The following GALNT17 variants were observed in gnomAD, a reference collection of about 807,000 sequenced individuals.
GALNT17 encodes the protein polypeptide N-acetylgalactosaminyltransferase 17.
GALNT17 carries 29 observed loss-of-function variants against 63.7 expected under a neutral mutation model. That is an observed-to-expected ratio of 0.46 (90% CI 0.34 to 0.62). GALNT17 has a LOEUF of 0.62. GALNT17 is among the 20% of genes least tolerant of loss of function. GALNT17 has a pLI of 0.01. For missense variants in GALNT17, 603 were observed against 799.6 expected (o/e 0.75, Z 2.97); for synonymous variants, 305 against 318.3 (o/e 0.96, Z 0.45).
intron 5 of GALNT17, among the ~76,000 whole-genome samples, chr7:71,450,918 T>C (rs1462672751): frequency 9.5e-6 from 1 of 105,746 alleles, no homozygotes; most frequent in Non-Finnish European, 1.8e-5. Context: ...ATGGCGTTTT[T>C]CTTTTTTTTA....
rs181583460 is a variant in GALNT17 at position 71,357,296 on chromosome 7, C to T, written c.422+21563C>T. 1.3e-4 allele frequency among the ~76,000 whole-genome samples: 20 copies of T among 152,244 alleles called. No homozygotes were observed. The East Asian group carries it at 3.9e-3, about 29-fold the overall frequency. ...CCACCTCCTGCCAGATCAGCGGCAG[C>T]ATTAGATTCTCATAGGAGCGCGAAC... is the stretch of plus-strand genomic sequence containing the variant. On this transcript the variant is annotated intron_variant, in intron 2 of 10. Coordinates refer to ENST00000333538, the MANE Select transcript of GALNT17 (RefSeq NM_022479.3).
At chr7:71,652,737 GA>G (rs1790771243) in intron 6 of GALNT17, among the ~76,000 whole-genome samples, 2 of 152,146 alleles carry the variant, frequency 1.3e-5, no homozygotes, top group Admixed American at 6.5e-5. Context: ...CTTCCTAAGT[GA>G]ATTCCTTTTG....
chr7:71,493,335 C>CAA (rs1448067990), intron 5 of GALNT17, among the ~76,000 whole-genome samples: 1 of 152,216 alleles, frequency 6.6e-6, no homozygotes, highest in African/African-American at 2.4e-5. Context: ...ATTGAAGAAT[C>CAA]ACGCTCCCTG....
chr7:71,492,235 C>T (rs112358312), intron 5 of GALNT17, among the ~76,000 whole-genome samples: 7,187 of 152,176 alleles, frequency 0.047, 588 homozygotes, highest in African/African-American at 0.17. Context: ...GCCGAGATCA[C>T]GCCACTGCCC....
chr7:71,298,287 T>C (rs1032095098), intron 1 of GALNT17, among the ~76,000 whole-genome samples: 10 of 152,226 alleles, frequency 6.6e-5, no homozygotes, highest in Non-Finnish European at 1.5e-5. Flanking sequence ...CCCAAAGTGC[T>C]GGGATTACAG....
At chr7:71,694,567 C>A (rs916598263) in intron 9 of GALNT17, among the ~76,000 whole-genome samples, 1 of 151,924 alleles carries the variant, frequency 6.6e-6, no homozygotes, top group African/African-American at 2.4e-5. Flanking sequence ...AGTTAATGTT[C>A]GTATTTTTAG....
chr7:71,429,647 A>G (rs1169628793), intron 5 of GALNT17, among the ~76,000 whole-genome samples: 1 of 152,186 alleles, frequency 6.6e-6, no homozygotes, highest in Non-Finnish European at 1.5e-5. Context: ...GGCTCAAGCG[A>G]TACTCCTGCC....
chr7:71,360,186 A>C (rs1792370959), intron 2 of GALNT17, among the ~76,000 whole-genome samples: 1 of 152,236 alleles, frequency 6.6e-6, no homozygotes, highest in Admixed American at 6.5e-5. Context: ...ATCCCACAGT[A>C]CTGAAGTAAA....
intron 1 of GALNT17, among the ~76,000 whole-genome samples, chr7:71,334,860 A>G (rs145255285): frequency 2.7e-3 from 405 of 152,326 alleles, no homozygotes; most frequent in Non-Finnish European, 4.5e-3. Flanking sequence ...ACTCAAGATA[A>G]AAATCAATCT....
At chr7:71,538,928 A>G (rs1230426265) in intron 5 of GALNT17, among the ~76,000 whole-genome samples, 1 of 151,522 alleles carries the variant, frequency 6.6e-6, no homozygotes, top group Non-Finnish European at 1.5e-5. Context: ...CAGGATACTC[A>G]ATGTTTTTGG....
intron 1 of GALNT17, among the ~76,000 whole-genome samples, chr7:71,290,651 C>T (rs1790962913): frequency 1.3e-5 from 2 of 152,142 alleles, no homozygotes; most frequent in South Asian, 4.1e-4. Flanking sequence ...TTGACAATTT[C>T]GACAAAAGCA....
At chr7:71,592,455 A>G (rs1390829199) in intron 6 of GALNT17, among the ~76,000 whole-genome samples, 1 of 151,590 alleles carries the variant, frequency 6.6e-6, no homozygotes, top group Non-Finnish European at 1.5e-5. Flanking sequence ...AGATCGTGCC[A>G]CTGCACTCCG....
intron 1 of GALNT17, among the ~76,000 whole-genome samples, chr7:71,291,202 A>G (rs1328140277): frequency 1.3e-5 from 2 of 152,214 alleles, no homozygotes; most frequent in Non-Finnish European, 2.9e-5. Flanking sequence ...CTTTTACGAA[A>G]TAGCAGAGTC....
Position 71,441,855 on chromosome 7 carries a change from G to A in GALNT17, c.962+20750G>A, listed in dbSNP as rs191547957. ...GCATAGTATTCCATGGTGTGTATGTGCCACATTTTCTTTATCCAGTTTATC... is the reference window on the plus strand; with the variant it reads ...GCATAGTATTCCATGGTGTGTATGTACCACATTTTCTTTATCCAGTTTATC... On this transcript the variant is annotated intron_variant, in intron 5 of 10. Transcript: ENST00000333538. Among the ~76,000 whole-genome samples the A allele has an allele frequency of 1.1e-3, 170 of 152,264 alleles. 1 individual carries two copies. The highest frequency in any genetic ancestry group is 3.9e-3 in the African/African-American group (164 of 41,572).
At chr7:71,352,735 G>A (rs1792212228) in intron 2 of GALNT17, among the ~76,000 whole-genome samples, 2 of 152,140 alleles carry the variant, frequency 1.3e-5, no homozygotes, top group African/African-American at 4.8e-5. Context: ...AGTGAGTGCT[G>A]TGCCACTCCA....
At chr7:71,670,805 T>A (rs2117056330) in intron 8 of GALNT17, among the ~76,000 whole-genome samples, 1 of 152,102 alleles carries the variant, frequency 6.6e-6, no homozygotes, top group South Asian at 2.1e-4. Context: ...AGCGTGTAAG[T>A]CACAAAGCCA....
intron 6 of GALNT17, among the ~76,000 whole-genome samples, chr7:71,647,698 A>G (rs1379722863): frequency 6.6e-6 from 1 of 152,214 alleles, no homozygotes; most frequent in Non-Finnish European, 1.5e-5. Flanking sequence ...ACACATCCCC[A>G]TGGACCTCTG....
chr7:71,446,004 G>C (rs1787154926), intron 5 of GALNT17, among the ~76,000 whole-genome samples: 1 of 152,190 alleles, frequency 6.6e-6, no homozygotes, highest in Non-Finnish European at 1.5e-5. Flanking sequence ...TGAGAAACGG[G>C]AATATTTTCT....
chr7:71,401,600 C>T (rs58023981), intron 3 of GALNT17, among the ~76,000 whole-genome samples: 6,856 of 152,188 alleles, frequency 0.045, 556 homozygotes, highest in African/African-American at 0.16. Flanking sequence ...CCATTGCTCG[C>T]GTTACCACCT....
Sources: gnomAD v4.1 joint callset for allele counts (sites outside exome capture counted in the v4.1 genomes callset) on GRCh38, gnomAD v4.1.1 for gene constraint, MANE v1.5 for transcripts, NCBI Gene and HGNC (gene_info 2026-07-23, HGNC 2026-07-21) for gene names.